The following COL1A2 variants were observed in gnomAD, a reference collection of about 807,000 sequenced individuals.
The protein encoded by COL1A2 is collagen type I alpha 2 chain.
Under a neutral mutation model 174.3 loss-of-function variants are expected in COL1A2, and 49 were observed. The ratio of observed to expected loss-of-function variants is 0.28; its 90% confidence interval spans 0.22 to 0.36. The LOEUF is 0.36. COL1A2 is among the 10% of genes least tolerant of loss of function. The pLI, the probability that COL1A2 is intolerant of heterozygous loss-of-function variation, is 1.00. For missense variants in COL1A2, 1,438 were observed against 1,822.7 expected, an observed-to-expected ratio of 0.79 and a Z score of 3.84; for synonymous variants, 655 against 606.6, an observed-to-expected ratio of 1.08 and a Z score of -1.17.
At chr7:94,401,890 A>C (rs1791697581) in intron 6 of COL1A2, among the ~76,000 whole-genome samples, 1 of 152,166 alleles carries the variant, frequency 6.6e-6, no homozygotes, top group Non-Finnish European at 1.5e-5. Flanking sequence ...CTTATGTCCA[A>C]GAAATAATCT....
In COL1A2 at chr7:94,417,836, G is replaced by C. The variant is rs375027186; in HGVS notation, c.1971+5G>C. ...CCTGGAGGCAAGGGAGAAAAGGTAC[G>C]TGTTGACCCCTATTACATATTGTTG... On this transcript the variant is annotated splice_donor_5th_base_variant and intron_variant, in intron 32 of 51. Coordinates refer to ENST00000297268, the MANE Select transcript of COL1A2 (RefSeq NM_000089.4). The C allele has an allele frequency of 3.2e-6, 5 of 1,584,520 alleles. No individual in the cohort carries two copies. Among genetic ancestry groups the C allele is most frequent in the Non-Finnish European group, 3.4e-6 (4 of 1,163,218 alleles).
chr7:94,427,642 C>T lies in COL1A2; in HGVS notation c.3283C>T (p.Pro1095Ser), dbSNP rs370608825. 54 of 1,614,000 alleles carry T rather than the reference C, an allele frequency of 3.3e-5. No individual in the cohort carries two copies. The Admixed American group carries it at 6.3e-4, about 19-fold the overall frequency. ...HQGPAGPPGP[P>S]GPPGPPGVSG... ...ACCTTTGCAGGGCCCCCCTGGTCCC[C>T]CTGGCCCTCCTGGACCTCCAGGTGT... Residue 1095 changes from proline to serine, a missense_variant, in exon 49 of 52, where the codon CCT becomes TCT. Physicochemically the swap from Pro to Ser is moderately conservative, Grantham distance 74 (BLOSUM62 -1). Around this residue, in one of 3 missense-constraint regions of COL1A2, gnomAD observed 867 missense variants for 1,213.7 expected, o/e 0.71. Coordinates refer to ENST00000297268, the MANE Select transcript of COL1A2 (RefSeq NM_000089.4).
Position 94,422,950 on chromosome 7 carries a change from C to T in COL1A2, c.2404-7C>T. ...GAAAGGAAATGACCTTGTACATTTG[C>T]TCATAGGGTATTTCTGGCCCTCCTG... On this transcript the variant is annotated splice_polypyrimidine_tract_variant and splice_region_variant and intron_variant, in intron 39 of 51. Coordinates refer to ENST00000297268, the MANE Select transcript of COL1A2 (RefSeq NM_000089.4). 6.2e-7 allele frequency: 1 copy of T among 1,614,120 alleles called. No individual in the cohort carries two copies. Among genetic ancestry groups the T allele is most frequent in the South Asian group, 1.1e-5 (1 of 91,082 alleles).
chr7:94,430,081 A>C (rs138720354), intron 51 of COL1A2, 166 bp from the exon 52 acceptor site: 50 of 704,680 alleles, frequency 7.1e-5, no homozygotes, highest in African/African-American at 6.1e-4. Flanking sequence ...CCTCCCACTA[A>C]AGACACCCTT....
intron 40 of COL1A2, 103 bp downstream of exon 40, chr7:94,423,221 G>C: frequency 7.2e-7 from 1 of 1,379,552 alleles, no homozygotes; most frequent in Non-Finnish European, 1.0e-6. Flanking sequence ...GAGTATTGCA[G>C]GCTCTCAAGT....
At chr7:94,421,278 G>A in intron 38 of COL1A2, 1 of 618,196 alleles carries the variant, frequency 1.6e-6, no homozygotes. Context: ...TAATAACCAA[G>A]GTGGGCCCTA....
At chr7:94,422,805 A>G (rs1792194236) in intron 39 of COL1A2, 152 bp from the exon 40 acceptor site, 2 of 972,406 alleles carry the variant, frequency 2.1e-6, no homozygotes, top group South Asian at 1.5e-5. Flanking sequence ...GCAAGAAAGA[A>G]GGTTAAAAAC....
At chr7:94,419,034 A>G (rs1270345333) in intron 33 of COL1A2, among the ~76,000 whole-genome samples, 1 of 148,714 alleles carries the variant, frequency 6.7e-6, no homozygotes, top group Non-Finnish European at 1.5e-5. Flanking sequence ...ATCCCATGAC[A>G]GTCTAATTAC....
intron 46 of COL1A2, 152 bp from the exon 47 acceptor site, chr7:94,426,856 A>G (rs1000729299): frequency 1.4e-6 from 1 of 716,246 alleles, no homozygotes; most frequent in South Asian, 1.7e-5. Context: ...TATAATAGAC[A>G]TAATGGGAGA....
At chr7:94,401,515 T>C (rs1791687540) in intron 5 of COL1A2, 52 bp from the exon 6 acceptor site, 5 of 863,260 alleles carry the variant, frequency 5.8e-6, no homozygotes, top group Non-Finnish European at 7.6e-6. Flanking sequence ...ACATGACTAG[T>C]AACTAAAAAT....
chr7:94,399,358 A>C (rs1471654102), intron 4 of COL1A2, among the ~76,000 whole-genome samples: 1 of 152,216 alleles, frequency 6.6e-6, no homozygotes, highest in African/African-American at 2.4e-5. Flanking sequence ...CATCCAACAC[A>C]TGCATAATGG....
Position 94,412,618 on chromosome 7 carries a change from T to C in COL1A2, c.1439T>C (p.Ile480Thr), listed in dbSNP as rs568201784. 22 of 1,614,088 alleles carry C rather than the reference T, an allele frequency of 1.4e-5. No homozygotes were observed. In the East Asian group the frequency reaches 2.5e-4, roughly 18 times the overall value. The part of the protein sequence containing the change: ...LPGIDGRPGP[I>T]GPAGARGEPG... ...GGCATCGACGGCAGGCCTGGCCCAA[T>C]TGGCCCAGCTGGAGCAAGAGGAGAG... The change falls in exon 25 of 52, where the codon ATT (isoleucine) becomes ACT (threonine). Residue 480 changes from isoleucine to threonine, a missense_variant. Coordinates refer to ENST00000297268, the MANE Select transcript of COL1A2 (RefSeq NM_000089.4).
At chr7:94,427,944 A>C in intron 49 of COL1A2, 59 bp downstream of exon 49, 1 of 1,573,186 alleles carries the variant, frequency 6.4e-7, no homozygotes, top group Non-Finnish European at 8.7e-7. Context: ...TTTCAAAATT[A>C]GTTTCCATTG....
chr7:94,426,621 T>C lies in COL1A2; in HGVS notation c.3105+91T>C, dbSNP rs13240759. ...CATATTTTCACTGCTATTGTTCCAG[T>C]ATAGCCTATATAATATCCATTTCCC... is the stretch of plus-strand genomic sequence containing the variant. On this transcript the variant is annotated intron_variant, in intron 46 of 51. Coordinates refer to ENST00000297268, the MANE Select transcript of COL1A2 (RefSeq NM_000089.4). 180,883 of 963,196 alleles carry C rather than the reference T, an allele frequency of 0.19. 18,037 individuals are homozygous for C. Among genetic ancestry groups the C allele is most frequent in the Admixed American group, 0.33 (16,368 of 50,244 alleles). 59.7% of individuals were successfully genotyped at this position (963,196 alleles called of 1,614,324 possible).
chr7:94,421,391 C>T, intron 38 of COL1A2: 3 of 427,022 alleles, frequency 7.0e-6, no homozygotes, highest in Non-Finnish European at 1.3e-5. Context: ...GCAATGCTAT[C>T]ACAACAATTC....
chr7:94,414,659 A>T (rs1438001284), intron 29 of COL1A2, among the ~76,000 whole-genome samples: 1 of 152,146 alleles, frequency 6.6e-6, no homozygotes, highest in Non-Finnish European at 1.5e-5. Context: ...TTTTCTTGGC[A>T]TTCAGACATG....
Position 94,424,439 on chromosome 7 carries a change from C to T in COL1A2, c.2669C>T (p.Ala890Val), listed in dbSNP as rs763911509. 6.2e-7 allele frequency: 1 copy of T among 1,613,376 alleles called. No homozygotes were observed. Among genetic ancestry groups the T allele is most frequent in the African/African-American group, 1.3e-5 (1 of 74,892 alleles). The change falls in exon 41 of 52, where the codon GCT (alanine) becomes GTT (valine). Residue 890 changes from alanine (A) to valine (V), a missense_variant. Physicochemically the swap from Ala to Val is moderately conservative, Grantham distance 64. Coordinates refer to ENST00000297268, the MANE Select transcript of COL1A2 (RefSeq NM_000089.4). Reference protein sequence around the residue: ...GERGLPGVAGAVGEPGPLGIA... With the variant: ...GERGLPGVAGVVGEPGPLGIA... ...CGTGGTCTACCAGGTGTTGCTGGTG[C>T]TGTGGTGAGTGCTTGACAGTATTCT...
chr7:94,430,437 T>G lies in COL1A2; in HGVS notation c.*44T>G, dbSNP rs529501075. The G allele has an allele frequency of 1.0e-4, 165 of 1,595,952 alleles. 3 individuals carry two copies. The South Asian group carries it at 1.8e-3, about 17-fold the overall frequency. ...AAAAAAGAAAGAAATTTGAAAAAACTTTCTCTTTGCCATTTCTTCTTCTTC... is the reference window on the plus strand; with the variant it reads ...AAAAAAGAAAGAAATTTGAAAAAACGTTCTCTTTGCCATTTCTTCTTCTTC... On this transcript the variant is annotated 3_prime_UTR_variant, in exon 52 of 52. Transcript: ENST00000297268.
At chr7:94,422,924 A>G in intron 39 of COL1A2, 33 bp from the exon 40 acceptor site, 1 of 1,613,836 alleles carries the variant, frequency 6.2e-7, no homozygotes. Flanking sequence ...GGTGATTAAC[A>G]GAAAGGAAAT....
Sources: gnomAD v4.1 joint callset for allele counts (sites outside exome capture counted in the v4.1 genomes callset) on GRCh38, gnomAD v4.1.1 for gene constraint, gnomAD v4.1.1 regional missense constraint, MANE v1.5 for transcripts, NCBI Gene and HGNC (gene_info 2026-07-23, HGNC 2026-07-21) for gene names.